NTM: variants seen among roughly 807,000 people sequenced by gnomAD.
NTM encodes the protein neurotrimin.
NTM carries 13 observed loss-of-function variants against 42.1 expected under a neutral mutation model. That is an observed-to-expected ratio of 0.31 (90% CI 0.20 to 0.49). The LOEUF (loss-of-function observed/expected upper bound fraction) is 0.49. Among genes scored for constraint, NTM ranks in the 20% least tolerant of loss-of-function variants. The pLI, the probability that NTM is intolerant of heterozygous loss-of-function variation, is 0.99. For synonymous variants in NTM, 187 were observed against 179.2 expected, an observed-to-expected ratio of 1.04 and a Z score of -0.35; for missense variants, 373 against 452.8, an observed-to-expected ratio of 0.82 and a Z score of 1.60.
chr11:132,242,512 T>C (rs146147284), intron 4 of NTM, among the ~76,000 whole-genome samples: 4 of 152,344 alleles, frequency 2.6e-5, no homozygotes, highest in Non-Finnish European at 4.4e-5. Flanking sequence ...CGCTAGTTTT[T>C]CTTCTATCCT....
intron 1 of NTM, among the ~76,000 whole-genome samples, chr11:131,473,667 G>A (rs1006275835): frequency 6.6e-6 from 1 of 152,102 alleles, no homozygotes; most frequent in Non-Finnish European, 1.5e-5. Context: ...ATGAGGCGTG[G>A]CCATCCCAGG....
chr11:131,911,435 G>A (rs549725791), intron 1 of NTM, 129 bp from the exon 2 acceptor site: 3 of 1,613,110 alleles, frequency 1.9e-6, no homozygotes, highest in South Asian at 1.1e-5. Flanking sequence ...CCCGGGGGGC[G>A]TGTGCCGTGC....
chr11:132,268,664 C>G lies in NTM; in HGVS notation c.527-39025C>G, dbSNP rs113407609. ...GTGTTTGTGGTGTGGGGTCCTCTCTCTCTCTCTGTGTGTGTGTGTGTGTGT... is the reference window on the plus strand; with the variant it reads ...GTGTTTGTGGTGTGGGGTCCTCTCTGTCTCTCTGTGTGTGTGTGTGTGTGT... On this transcript the variant is annotated intron_variant, in intron 4 of 8. Coordinates refer to ENST00000683400, the MANE Select transcript of NTM (RefSeq NM_001352005.2). 0.011 allele frequency among the ~76,000 whole-genome samples: 640 copies of G among 57,142 alleles called. 22 individuals carry two copies. The East Asian group carries it at 0.12, about 11-fold the overall frequency. The allele number at this position is 57,142 out of a possible 152,430, so 37.5% of individuals were successfully genotyped here.
intron 7 of NTM, among the ~76,000 whole-genome samples, chr11:132,322,321 A>G (rs555947953): frequency 4.0e-5 from 6 of 151,728 alleles, no homozygotes; most frequent in African/African-American, 1.2e-4. Context: ...TCAAAATAAA[A>G]GGATGGAGGA....
chr11:131,429,679 TG>T (rs1948491230), intron 1 of NTM, among the ~76,000 whole-genome samples: 1 of 152,180 alleles, frequency 6.6e-6, no homozygotes, highest in Non-Finnish European at 1.5e-5. Flanking sequence ...CACATCCAGC[TG>T]GGGGTCTCTC....
chr11:132,238,255 G>A (rs553932400), intron 4 of NTM, among the ~76,000 whole-genome samples: 27 of 152,174 alleles, frequency 1.8e-4, no homozygotes, highest in African/African-American at 6.5e-4. Context: ...AGCGAGCCCC[G>A]CCCAGAGATG....
intron 1 of NTM, among the ~76,000 whole-genome samples, chr11:131,467,368 G>A (rs1565532234): frequency 6.6e-6 from 1 of 152,154 alleles, no homozygotes; most frequent in Non-Finnish European, 1.5e-5. Flanking sequence ...GTGGTCAGGA[G>A]GGAGCCCACC....
intron 1 of NTM, among the ~76,000 whole-genome samples, chr11:131,394,941 G>A (rs891784769): frequency 1.3e-4 from 20 of 152,186 alleles, no homozygotes; most frequent in Non-Finnish European, 1.0e-4. Context: ...TGCCCTCATG[G>A]TGCTTGCAGT....
At chr11:131,895,244 G>A (rs7943905) in intron 1 of NTM, among the ~76,000 whole-genome samples, 28,600 of 152,044 alleles carry the variant, frequency 0.19, 3,698 homozygotes, top group African/African-American at 0.36. Context: ...CAGAAATGTA[G>A]GTCAGCCTCT....
intron 1 of NTM, among the ~76,000 whole-genome samples, chr11:131,663,015 C>G (rs917610966): frequency 6.6e-6 from 1 of 152,104 alleles, no homozygotes; most frequent in Admixed American, 6.5e-5. Context: ...ATTCTATTTG[C>G]ACCTACCTAA....
At chr11:132,031,141 T>C (rs1270919962) in intron 2 of NTM, among the ~76,000 whole-genome samples, 1 of 152,164 alleles carries the variant, frequency 6.6e-6, no homozygotes, top group Non-Finnish European at 1.5e-5. Flanking sequence ...TGGGAAAGTA[T>C]ACCCTGCCAA....
intron 1 of NTM, among the ~76,000 whole-genome samples, chr11:131,695,324 CT>C (rs1264142637): frequency 6.6e-6 from 1 of 152,138 alleles, no homozygotes; most frequent in Non-Finnish European, 1.5e-5. Context: ...GCAGCTCCCC[CT>C]GAGATGATGT....
intron 6 of NTM, among the ~76,000 whole-genome samples, chr11:132,310,536 G>T (rs1019141276): frequency 6.6e-6 from 1 of 152,094 alleles, no homozygotes; most frequent in African/African-American, 2.4e-5. Flanking sequence ...ATTTTTTATA[G>T]GCCAAGAACA....
At chr11:131,586,194 C>T (rs755576002) in intron 1 of NTM, among the ~76,000 whole-genome samples, 4 of 152,138 alleles carry the variant, frequency 2.6e-5, no homozygotes, top group Non-Finnish European at 5.9e-5. Flanking sequence ...AAGCCTCAAC[C>T]TCCCAGGCTC....
Position 131,370,778 on chromosome 11 carries a change from A to G in NTM, c.-29A>G, listed in dbSNP as rs1230335816. 5 of 1,593,662 alleles carry G rather than the reference A, an allele frequency of 3.1e-6. No individual in the cohort carries two copies. The highest frequency in any genetic ancestry group is 4.3e-6 in the Non-Finnish European group (5 of 1,165,500). On this transcript the variant is annotated 5_prime_UTR_variant, in exon 1 of 9. Transcript: ENST00000683400. Reference sequence around the variant, plus strand: ...AAAGAAAAAAACCGAACCTGACAAAAAAGAAGAAAAAGAAGAAGAAAAAAA... The same window carrying G: ...AAAGAAAAAAACCGAACCTGACAAAGAAGAAGAAAAAGAAGAAGAAAAAAA...
intron 1 of NTM, among the ~76,000 whole-genome samples, chr11:131,621,400 A>G (rs1239534575): frequency 6.6e-6 from 1 of 152,106 alleles, no homozygotes; most frequent in Non-Finnish European, 1.5e-5. Context: ...ATCTCCGGAG[A>G]AAGCTTTGTC....
chr11:131,430,121 T>C (rs1324651286), intron 1 of NTM, among the ~76,000 whole-genome samples: 1 of 152,204 alleles, frequency 6.6e-6, no homozygotes, highest in Non-Finnish European at 1.5e-5. Context: ...GCATCAACCA[T>C]GTTCACTCAC....
intron 1 of NTM, among the ~76,000 whole-genome samples, chr11:131,490,467 A>C (rs951588153): frequency 2.6e-5 from 4 of 152,230 alleles, no homozygotes; most frequent in African/African-American, 9.6e-5. Context: ...AATTTGTGCA[A>C]GGCTCAGCAG....
chr11:131,691,711 G>A (rs2074766328), intron 1 of NTM, among the ~76,000 whole-genome samples: 1 of 152,194 alleles, frequency 6.6e-6, no homozygotes, highest in Admixed American at 6.5e-5. Context: ...GCCAGGTGGC[G>A]CTGGCGCGTT....
Sources: allele counts gnomAD v4.1 joint callset (sites outside exome capture counted in the v4.1 genomes callset), GRCh38; gene constraint gnomAD v4.1.1; transcripts MANE v1.5; gene names NCBI Gene and HGNC (gene_info 2026-07-23, HGNC 2026-07-21).